The following PLAGL1 variants were observed in gnomAD, a reference collection of about 807,000 sequenced individuals.
PLAGL1 encodes zinc finger protein PLAGL1.
Under a neutral mutation model 4.6 loss-of-function variants are expected in PLAGL1, and 1 was observed. The observed-to-expected ratio is 0.22, with a 90% CI of 0.08 to 1.03. The LOEUF is 1.03. Ranked by LOEUF, PLAGL1 falls within the 50% of genes least tolerant of loss-of-function variation. PLAGL1 has a pLI of 0.58. For synonymous variants in PLAGL1, 240 were observed against 237.8 expected (o/e 1.01, Z -0.08); for missense variants, 464 against 570.4 (o/e 0.81, Z 1.90).
intron 1 of PLAGL1, among the ~76,000 whole-genome samples, chr6:144,035,571 C>T (rs990440696): frequency 2.0e-5 from 3 of 152,134 alleles, no homozygotes; most frequent in South Asian, 4.1e-4. Context: ...AAATGTTAAT[C>T]GTCTTTGGCA....
chr6:143,948,019 C>G lies in PLAGL1; in HGVS notation c.118G>C (p.Gly40Arg), dbSNP rs761929176. ...TTATATCTGGAAACAAAGGCTTTGC[C>G]ACAGTCAGGCTGCACACACTTGTAC... ...RPYKCVQPDC[G>R]KAFVSRYKLM... Residue 40 changes from glycine (G) to arginine (R), a missense_variant, in exon 7 of 8, where the codon GGC (glycine) becomes CGC (arginine). Physicochemically the swap from Gly to Arg is moderately radical, Grantham distance 125 (BLOSUM62 -2). Coordinates refer to ENST00000674357, the MANE Select transcript of PLAGL1 (RefSeq NM_001317162.2). The surrounding 1 kb of genome is among the most constrained non-coding windows in gnomAD (Gnocchi z 6.0). 1 of 1,614,138 alleles carries G rather than the reference C, an allele frequency of 6.2e-7. No homozygotes were observed. The highest frequency in any genetic ancestry group is 8.5e-7 in the Non-Finnish European group (1 of 1,179,954).
intron 1 of PLAGL1, among the ~76,000 whole-genome samples, chr6:144,028,294 T>G (rs891297292): frequency 2.0e-5 from 3 of 152,184 alleles, no homozygotes; most frequent in African/African-American, 7.2e-5. Flanking sequence ...CTCTGTAGTC[T>G]CCTATGAAAA....
intron 1 of PLAGL1, among the ~76,000 whole-genome samples, chr6:143,999,447 T>C (rs1323127916): frequency 1.3e-5 from 2 of 152,242 alleles, no homozygotes; most frequent in African/African-American, 4.8e-5. Flanking sequence ...TGATGCAATA[T>C]AAAACACGCA....
intron 1 of PLAGL1, among the ~76,000 whole-genome samples, chr6:144,062,937 C>T (rs1262330810): frequency 6.6e-6 from 1 of 152,116 alleles, no homozygotes; most frequent in Non-Finnish European, 1.5e-5. Flanking sequence ...TAATCTAAAG[C>T]CTTTGGTTCT....
Position 143,942,107 on chromosome 6 carries a change from C to T in PLAGL1, c.709G>A (p.Ala237Thr), listed in dbSNP as rs560576837. ...TISPSFQLKA[A>T]ALPPFPLGAS... ...CCTAAAGGGAAAGGAGGCAAGGCAG[C>T]AGCCTTCAGTTGGAATGAAGGCGAG... is the stretch of plus-strand genomic sequence containing the variant. The change falls in exon 8 of 8, where the codon GCT becomes ACT. Residue 237 changes from alanine (A) to threonine (T), a missense_variant. Physicochemically the swap from Ala to Thr is moderately conservative, Grantham distance 58. This residue lies in a region of PLAGL1 where 248 missense variants were observed against 250.1 expected (regional missense o/e 0.99). Coordinates refer to ENST00000674357, the MANE Select transcript of PLAGL1 (RefSeq NM_001317162.2). The surrounding 1 kb of genome is among the most constrained non-coding windows in gnomAD (Gnocchi z 7.6). 5.0e-6 allele frequency: 8 copies of T among 1,614,096 alleles called. No individual in the cohort carries two copies. The African/African-American group carries it at 1.1e-4, about 22-fold the overall frequency.
rs1303415096 is a variant in PLAGL1 at position 143,965,686 on chromosome 6, G to A, written c.-431+472C>T. ...AGGAACACGGAAGCTAGGGTGTGTTGGGCAAGTAAGCAGAGGTTGCTTGCT... is the reference window on the plus strand; with the variant it reads ...AGGAACACGGAAGCTAGGGTGTGTTAGGCAAGTAAGCAGAGGTTGCTTGCT... On this transcript the variant is annotated intron_variant, in intron 4 of 7. Transcript: ENST00000674357. The surrounding 1 kb of genome is among the most constrained non-coding windows in gnomAD (Gnocchi z 7.5). The A allele has an allele frequency of 6.6e-6, 1 of 152,256 alleles. No individual in the cohort carries two copies. Among genetic ancestry groups the A allele is most frequent in the African/African-American group, 2.4e-5 (1 of 41,410 alleles). The allele number at this position is 152,256 out of a possible 1,614,324, so 9.4% of individuals were successfully genotyped here.
intron 1 of PLAGL1, among the ~76,000 whole-genome samples, chr6:144,044,809 T>C (rs1462060114): frequency 2.6e-5 from 4 of 152,092 alleles, no homozygotes; most frequent in African/African-American, 9.7e-5. Context: ...GGAGTCTAAG[T>C]CTCTTTTTAG....
chr6:143,956,526 C>T (rs982670835), intron 6 of PLAGL1, among the ~76,000 whole-genome samples: 1 of 152,188 alleles, frequency 6.6e-6, no homozygotes, highest in South Asian at 2.1e-4. Flanking sequence ...ATAGTACAAA[C>T]AAGATCCTAA....
At position 143,970,148 on chromosome 6, in the gene PLAGL1, C is replaced by T. The variant is rs1490441128; in HGVS notation, c.-543-1170G>A. On this transcript the variant is annotated intron_variant, in intron 2 of 7. Transcript: ENST00000674357. The surrounding 1 kb of genome is among the most constrained non-coding windows in gnomAD (Gnocchi z 5.8). ...CTTCTCTGAGTAGCCCACATTTGTGCCTTGACCAAAAAGGCTGCTGTTGTA... is the reference window on the plus strand; with the variant it reads ...CTTCTCTGAGTAGCCCACATTTGTGTCTTGACCAAAAAGGCTGCTGTTGTA... 1.3e-5 allele frequency among the ~76,000 whole-genome samples: 2 copies of T among 152,162 alleles called. No individual in the cohort carries two copies. Among genetic ancestry groups the T allele is most frequent in the Non-Finnish European group, 2.9e-5 (2 of 68,022 alleles).
chr6:144,047,700 G>T (rs778401733), intron 1 of PLAGL1, among the ~76,000 whole-genome samples: 1 of 152,116 alleles, frequency 6.6e-6, no homozygotes, highest in Non-Finnish European at 1.5e-5. Context: ...CCCTCAACAC[G>T]TGGGGATTGT....
chr6:143,992,171 G>A (rs753126483), intron 1 of PLAGL1, among the ~76,000 whole-genome samples: 2 of 152,130 alleles, frequency 1.3e-5, no homozygotes, highest in East Asian at 1.9e-4. Context: ...CTCTACCCCC[G>A]TATAGTTAGG....
chr6:143,987,291 A>G (rs1208263045), intron 1 of PLAGL1, among the ~76,000 whole-genome samples: 1 of 151,642 alleles, frequency 6.6e-6, no homozygotes, highest in Non-Finnish European at 1.5e-5. Context: ...TGCAACCTTG[A>G]TCTCGTGGGC....
chr6:143,982,877 A>C lies in PLAGL1; in HGVS notation c.-544+2258T>G, dbSNP rs751557938. On this transcript the variant is annotated intron_variant, in intron 2 of 7. Transcript: ENST00000674357. This position sits in a 1 kb window ranked among gnomAD's most constrained non-coding sequence, Gnocchi z 5.3. ...TCAGGAGCTCAGGTGCAGACATGTT[A>C]GGTTTGATATGCCTATTAGACATCC... 1.1e-4 allele frequency among the ~76,000 whole-genome samples: 17 copies of C among 152,204 alleles called. No homozygotes were observed. The highest frequency in any genetic ancestry group is 1.8e-4 in the Non-Finnish European group (12 of 68,030).
At chr6:144,001,723 C>T (rs1295596953) in intron 1 of PLAGL1, among the ~76,000 whole-genome samples, 4 of 152,116 alleles carry the variant, frequency 2.6e-5, no homozygotes, top group African/African-American at 7.2e-5. Context: ...AAGTTATCAT[C>T]AGTTGATGTG....
chr6:143,992,684 G>A (rs771174526), intron 1 of PLAGL1, among the ~76,000 whole-genome samples: 1 of 152,126 alleles, frequency 6.6e-6, no homozygotes, highest in Non-Finnish European at 1.5e-5. Context: ...TAGGAGAAGA[G>A]GTAAGAAAAA....
At chr6:143,988,429 G>A (rs1260956157) in intron 1 of PLAGL1, among the ~76,000 whole-genome samples, 2 of 152,306 alleles carry the variant, frequency 1.3e-5, no homozygotes, top group East Asian at 1.9e-4. Flanking sequence ...TGGTAGGTTG[G>A]CTCCACTTCA....
intron 1 of PLAGL1, among the ~76,000 whole-genome samples, chr6:144,043,526 A>G (rs1002183862): frequency 6.6e-6 from 1 of 151,992 alleles, no homozygotes; most frequent in Non-Finnish European, 1.5e-5. Context: ...GGATGAAACC[A>G]ATTTGATCTT....
chr6:143,959,288 G>T lies in PLAGL1; in HGVS notation c.-325+1181C>A, dbSNP rs1583201148. On this transcript the variant is annotated intron_variant, in intron 6 of 7. Transcript: ENST00000674357. This position sits in a 1 kb window ranked among gnomAD's most constrained non-coding sequence, Gnocchi z 5.3. Reference sequence around the variant, plus strand: ...GAGACAGACAAGGCCTGCTGTGTTAGCCACACCCCACCTGTTCGCAGCCCA... The same window carrying T: ...GAGACAGACAAGGCCTGCTGTGTTATCCACACCCCACCTGTTCGCAGCCCA... Among the ~76,000 whole-genome samples, 1 of 152,102 alleles carries T rather than the reference G, an allele frequency of 6.6e-6. No homozygotes were observed. The highest frequency in any genetic ancestry group is 2.1e-4 in the South Asian group (1 of 4,820).
At position 144,022,405 on chromosome 6, in the gene PLAGL1, TGCAGA is replaced by T. The variant is rs2128699473; in HGVS notation, c.-151+42058_-151+42062del. On this transcript the variant is annotated intron_variant, in intron 1 of 3. Transcript: ENST00000437412. The surrounding 1 kb of genome is among the most constrained non-coding windows in gnomAD (Gnocchi z 4.2). The stretch of plus-strand genomic sequence containing the variant: ...TGACAATACAAAATGTTAACAAGGA[TGCAGA>T]GCAACAATCCATCATTGGTGATGGG... Among the ~76,000 whole-genome samples the T allele has an allele frequency of 6.6e-6, 1 of 152,368 alleles. No individual in the cohort carries two copies. Among genetic ancestry groups the T allele is most frequent in the African/African-American group, 2.4e-5 (1 of 41,592 alleles).
Sources: gnomAD v4.1 joint callset for allele counts (sites outside exome capture counted in the v4.1 genomes callset) on GRCh38, gnomAD v4.1.1 for gene constraint, gnomAD v4.1.1 regional missense constraint, Gnocchi (gnomAD v3.1) non-coding constraint, MANE v1.5 for transcripts, NCBI Gene and HGNC (gene_info 2026-07-23, HGNC 2026-07-21) for gene names.